Variants in EMD observed in about 807,000 individuals in gnomAD.
EMD encodes the protein LEM domain containing 5.
A neutral mutation model predicts 15.2 loss-of-function variants in EMD; 2 were observed. That is an observed-to-expected ratio of 0.13 (90% CI 0.05 to 0.41). The LOEUF is 0.41. Among genes scored for constraint, EMD ranks in the 10% least tolerant of loss-of-function variants. The pLI is 0.99. For missense variants in EMD, 224 were observed against 213.4 expected (o/e 1.05, Z -0.31); for synonymous variants, 122 against 86.2 (o/e 1.42, Z -2.30).
intron 4 of EMD, 86 bp from the exon 5 acceptor site, chrX:154,380,667 C>T (rs904996990): frequency 1.1e-4 from 128 of 1,161,917 alleles, no homozygotes; most frequent in Non-Finnish European, 1.4e-4. Context: ...TCAGAGGGGA[C>T]TGGCTGGGGA....
chrX:154,381,173 G>A lies in EMD; in HGVS notation c.741G>A (p.Gln247=), dbSNP rs1557182727. 3.3e-6 allele frequency: 4 copies of A among 1,210,247 alleles called. No individual in the cohort carries two copies. The highest frequency in any genetic ancestry group is 1.8e-5 in the South Asian group (1 of 56,881). ...IVLFFIYHFM[Q]AEEGNPF The stretch of plus-strand genomic sequence containing the variant: ...TCTTCTTCATTTACCACTTCATGCA[G>A]GCTGAAGAAGGCAACCCCTTCTAGA... Residue 247 remains glutamine, a synonymous_variant, in exon 6 of 6, where the codon CAG becomes CAA. Transcript: ENST00000369842.
At position 154,379,320 on chromosome X, in the gene EMD, G is replaced by A; in HGVS notation, c.-165G>A. ...AGCCTGCGGAGCCAGCGGCCGTGAC[G>A]CGACAACGATTCGGCTGTGACGCGA... On this transcript the variant is annotated 5_prime_UTR_variant, in exon 1 of 6. Coordinates refer to ENST00000369842, the MANE Select transcript of EMD (RefSeq NM_000117.3). 1 of 509,159 alleles carries A rather than the reference G, an allele frequency of 2.0e-6. No homozygotes were observed. The highest frequency in any genetic ancestry group is 3.0e-6 in the Non-Finnish European group (1 of 329,817). The allele number at this position is 509,159 out of a possible 1,213,427, so 42.0% of individuals were successfully genotyped here.
rs782616042 is a variant in EMD, at chrX:154,380,813, G to C, written c.449+11G>C. Reference sequence around the variant, plus strand: ...GGAGTGCAAGGATAGGTGCGTAGTGGGGGAGCCCAGGGACGGGCTGGTTCT... The same window carrying C: ...GGAGTGCAAGGATAGGTGCGTAGTGCGGGAGCCCAGGGACGGGCTGGTTCT... On this transcript the variant is annotated intron_variant, in intron 5 of 5. Transcript: ENST00000369842. 49 of 1,210,442 alleles carry C rather than the reference G, an allele frequency of 4.0e-5. No homozygotes were observed. The highest frequency in any genetic ancestry group is 4.5e-5 in the Non-Finnish European group (40 of 895,223).
At chrX:154,380,402 C>T (rs1557182474) in intron 4 of EMD, 35 bp downstream of exon 4, 1 of 1,210,780 alleles carries the variant, frequency 8.3e-7, no homozygotes, top group South Asian at 1.8e-5. Context: ...TACTTGGGTA[C>T]AACCTAGGGG....
At position 154,379,905 on chromosome X, in the gene EMD, G is replaced by C; in HGVS notation, c.188-37G>C. On this transcript the variant is annotated intron_variant, in intron 2 of 5. Transcript: ENST00000369842. Reference sequence around the variant, plus strand: ...ACTGGAGAAAGGGGAGGGAAGTCTGGGGGGGCAAACAGTTCTGTCTCCTCC... The same window carrying C: ...ACTGGAGAAAGGGGAGGGAAGTCTGCGGGGGCAAACAGTTCTGTCTCCTCC... The C allele has an allele frequency of 2.5e-6, 3 of 1,200,036 alleles. No homozygotes were observed. In the South Asian group the frequency reaches 5.3e-5, roughly 21 times the overall value.
rs1557182453 is a variant in EMD, at chrX:154,380,299, G to A, written c.331G>A (p.Ala111Thr). ...TTRTYGEPES[A>T]GPSRAVRQSV... The stretch of plus-strand genomic sequence containing the variant: ...CAGGACTTATGGGGAGCCCGAGTCT[G>A]CCGGCCCGTCCAGGGCTGTCCGCCA... Residue 111 changes from alanine to threonine, a missense_variant, in exon 4 of 6, where the codon GCC (alanine) becomes ACC (threonine). Physicochemically the swap from Ala to Thr is moderately conservative, Grantham distance 58. Coordinates refer to ENST00000369842, the MANE Select transcript of EMD (RefSeq NM_000117.3). 1 of 1,210,187 alleles carries A rather than the reference G, an allele frequency of 8.3e-7. No individual in the cohort carries two copies. Among genetic ancestry groups the A allele is most frequent in the African/African-American group, 1.7e-5 (1 of 57,469 alleles).
chrX:154,379,829 C>T, intron 2 of EMD, 35 bp downstream of exon 2: 4 of 1,183,141 alleles, frequency 3.4e-6, no homozygotes, highest in South Asian at 1.8e-5. Context: ...GCCTGGGACG[C>T]GGGGAGGATG....
In EMD at chrX:154,380,055, C is replaced by T; in HGVS notation, c.265+36C>T. On this transcript the variant is annotated intron_variant, in intron 3 of 5. Coordinates refer to ENST00000369842, the MANE Select transcript of EMD (RefSeq NM_000117.3). ...GGTTGGGTGGGCACGCTGGCACCTTCACCCGACTTCGTCAGGGACCCCGCT... is the reference window on the plus strand; with the variant it reads ...GGTTGGGTGGGCACGCTGGCACCTTTACCCGACTTCGTCAGGGACCCCGCT... The T allele has an allele frequency of 3.3e-6, 4 of 1,198,521 alleles. No individual in the cohort carries two copies. The South Asian group carries it at 5.3e-5, about 16-fold the overall frequency.
In EMD at chrX:154,380,215, C is replaced by T. The variant is rs1057522166; in HGVS notation, c.266-19C>T. 2.5e-6 allele frequency: 3 copies of T among 1,211,121 alleles called. No homozygotes were observed. The highest frequency in any genetic ancestry group is 5.9e-5 in the East Asian group (2 of 33,850). On this transcript the variant is annotated intron_variant, in intron 3 of 5. Coordinates refer to ENST00000369842, the MANE Select transcript of EMD (RefSeq NM_000117.3). Reference sequence around the variant, plus strand: ...GGCACACCGATGCCCCCTCTGCTACCGCTGCCCCCCTTCCCAAGGCTACAA... The same window carrying T: ...GGCACACCGATGCCCCCTCTGCTACTGCTGCCCCCCTTCCCAAGGCTACAA...
At position 154,379,334 on chromosome X, in the gene EMD, G is replaced by A; in HGVS notation, c.-151G>A. 1.8e-6 allele frequency: 1 copy of A among 567,098 alleles called. No individual in the cohort carries two copies. Among genetic ancestry groups the A allele is most frequent in the Non-Finnish European group, 2.7e-6 (1 of 373,008 alleles). The allele number at this position is 567,098 out of a possible 1,213,427, so 46.7% of individuals were successfully genotyped here. ...GCGGCCGTGACGCGACAACGATTCG[G>A]CTGTGACGCGACAACGATTCGGCTG... On this transcript the variant is annotated 5_prime_UTR_variant, in exon 1 of 6. Transcript: ENST00000369842.
At position 154,379,778 on chromosome X, in the gene EMD, C is replaced by T. The variant is rs900267221; in HGVS notation, c.171C>T (p.Ser57=). The change falls in exon 2 of 6, where the codon TCC becomes TCT. Residue 57 remains serine, a synonymous_variant. Transcript: ENST00000369842. ...CGCCCCCCAGCTCGTCCGCCGCCTCCTCTTATAGCTTCTCTGGTGAGAGCC... is the reference window on the plus strand; with the variant it reads ...CGCCCCCCAGCTCGTCCGCCGCCTCTTCTTATAGCTTCTCTGGTGAGAGCC... ...RLSPPSSSAA[S]SYSFSDLNST... 1.0e-5 allele frequency: 12 copies of T among 1,201,899 alleles called. No individual in the cohort carries two copies. Among genetic ancestry groups the T allele is most frequent in the Admixed American group, 8.9e-5 (4 of 45,140 alleles).
Position 154,381,056 on chromosome X carries a change from T to A in EMD, c.624T>A (p.Pro208=). Residue 208 remains proline, a synonymous_variant, in exon 6 of 6, where the codon CCT becomes CCA. Coordinates refer to ENST00000369842, the MANE Select transcript of EMD (RefSeq NM_000117.3). The part of the protein sequence containing the change: ...SSWLTRRAIR[P]ENRAPGAGLG... ...GGCTCACCCGCCGTGCCATCCGGCC[T>A]GAAAACCGTGCTCCTGGGGCTGGGC... 8.2e-7 allele frequency: 1 copy of A among 1,212,323 alleles called. No homozygotes were observed. The highest frequency in any genetic ancestry group is 1.1e-6 in the Non-Finnish European group (1 of 895,627).
In EMD at chrX:154,379,736, C is replaced by T. The variant is rs781938390; in HGVS notation, c.129C>T (p.Thr43=). 15 of 1,207,229 alleles carry T rather than the reference C, an allele frequency of 1.2e-5. No homozygotes were observed. In the East Asian group the frequency reaches 3.0e-4, roughly 24 times the overall value. ...LYEKKIFEYE[T]QRRRLSPPSS... is the part of the protein sequence containing the mutation. ...AGAAGAAGATCTTCGAGTACGAGACCCAGAGGCGGCGGCTCTCGCCCCCCA... is the reference window on the plus strand; with the variant it reads ...AGAAGAAGATCTTCGAGTACGAGACTCAGAGGCGGCGGCTCTCGCCCCCCA... Residue 43 remains threonine (T), a synonymous_variant, in exon 2 of 6, where the codon ACC becomes ACT. Coordinates refer to ENST00000369842, the MANE Select transcript of EMD (RefSeq NM_000117.3).
rs1557182256 is a variant in EMD at position 154,379,644 on chromosome X, C to T, written c.83-46C>T. On this transcript the variant is annotated intron_variant, in intron 1 of 5. Transcript: ENST00000369842. The stretch of plus-strand genomic sequence containing the variant: ...CGCGACCTCCCCGCTGCCCTCCCCG[C>T]GCGCCTTCCCCGGCCCGCGGCCCTG... The T allele has an allele frequency of 2.5e-6, 3 of 1,199,954 alleles. No individual in the cohort carries two copies. In the African/African-American group the frequency reaches 5.2e-5, roughly 21 times the overall value.
In EMD at chrX:154,379,349, C is replaced by T. The variant is rs1006011639; in HGVS notation, c.-136C>T. 1.6e-6 allele frequency: 1 copy of T among 627,566 alleles called. No individual in the cohort carries two copies. Among genetic ancestry groups the T allele is most frequent in the Non-Finnish European group, 2.4e-6 (1 of 422,914 alleles). 51.7% of individuals were successfully genotyped at this position (627,566 alleles called of 1,213,427 possible). ...CAACGATTCGGCTGTGACGCGACAA[C>T]GATTCGGCTGTGACGCGAGCGCGGC... is the stretch of plus-strand genomic sequence containing the variant. On this transcript the variant is annotated 5_prime_UTR_variant, in exon 1 of 6. The change creates a new upstream start codon in the 5' untranslated region. Coordinates refer to ENST00000369842, the MANE Select transcript of EMD (RefSeq NM_000117.3).
intron 3 of EMD, 107 bp from the exon 4 acceptor site, chrX:154,380,127 A>G (rs1194708692): frequency 5.0e-6 from 6 of 1,195,344 alleles, no homozygotes; most frequent in Non-Finnish European, 6.8e-6. Context: ...CAGCAGCCTT[A>G]GGAGGGAGAA....
intron 3 of EMD, 46 bp from the exon 4 acceptor site, chrX:154,380,188 G>A (rs1557182413): frequency 2.5e-6 from 3 of 1,204,832 alleles, no homozygotes; most frequent in South Asian, 1.8e-5. Context: ...CAGGCCAGGC[G>A]GGGCACACCG....
chrX:154,379,583 G>C lies in EMD; in HGVS notation c.82+17G>C. 9.4e-6 allele frequency: 11 copies of C among 1,171,401 alleles called. No homozygotes were observed. Among genetic ancestry groups the C allele is most frequent in the Non-Finnish European group, 1.3e-5 (11 of 874,590 alleles). On this transcript the variant is annotated intron_variant, in intron 1 of 5. Coordinates refer to ENST00000369842, the MANE Select transcript of EMD (RefSeq NM_000117.3). ...CTGTAGTAGGTACGCGGCGGCGGGC[G>C]GGACCCCTTCCGGGCCCCCTCCTCG...
rs781978021 is a variant in EMD, at chrX:154,379,690, G to C, written c.83G>C (p.Gly28Ala). Residue 28 changes from glycine to alanine, a missense_variant and splice_region_variant, in exon 2 of 6, where the codon GGA becomes GCA. Gly to Ala is a moderately conservative substitution (Grantham distance 60). Transcript: ENST00000369842. ...CCCTGACCGCCCCGTGTCCGGCCAG[G>C]ATCAACTCGTAGGCTTTACGAGAAG... is the stretch of plus-strand genomic sequence containing the variant. ...RYNIPHGPVV[G>A]STRRLYEKKI... 6 of 1,209,857 alleles carry C rather than the reference G, an allele frequency of 5.0e-6. No homozygotes were observed. Among genetic ancestry groups the C allele is most frequent in the Non-Finnish European group, 6.7e-6 (6 of 894,848 alleles).
Sources: gnomAD v4.1 joint callset for allele counts on GRCh38, gnomAD v4.1.1 for gene constraint, MANE v1.5 for transcripts, NCBI Gene and HGNC (gene_info 2026-07-23, HGNC 2026-07-21) for gene names.